TMPRSS15: variants seen among roughly 807,000 people sequenced by gnomAD.
TMPRSS15 encodes the protein enteropeptidase.
TMPRSS15 carries 128 observed loss-of-function variants against 125.3 expected under a neutral mutation model. That is an observed-to-expected ratio of 1.02 (90% confidence interval 0.89 to 1.18). TMPRSS15 has a LOEUF of 1.18. TMPRSS15 is among the 50% of genes most tolerant of loss of function. The probability of loss-of-function intolerance (pLI) is 0.00; values close to 1 mark genes in which losing one functional copy is unlikely to be tolerated. For synonymous variants in TMPRSS15, 446 were observed against 423.2 expected, an observed-to-expected ratio of 1.05 and a Z score of -0.66; for missense variants, 1,283 against 1,212.7, an observed-to-expected ratio of 1.06 and a Z score of -0.86.
intron 7 of TMPRSS15, among the ~76,000 whole-genome samples, chr21:18,363,934 A>G (rs1466673370): frequency 2.0e-5 from 3 of 152,094 alleles, no homozygotes; most frequent in African/African-American, 4.8e-5. Flanking sequence ...GTTGTATTAC[A>G]TATCTCTCAA....
intron 1 of TMPRSS15, among the ~76,000 whole-genome samples, chr21:18,417,567 G>A (rs2268438): frequency 0.59 from 89,440 of 152,024 alleles, 27,854 homozygotes; most frequent in Middle Eastern, 0.73. Context: ...TAGTATCTAT[G>A]CTGAACAAGA....
At chr21:18,404,551 G>A (rs1169406475), upstream of TMPRSS15, among the ~76,000 whole-genome samples, 1 of 152,108 alleles carries the variant, frequency 6.6e-6, no homozygotes, top group African/African-American at 2.4e-5. Flanking sequence ...TTAAATTACG[G>A]TTTAGCATTG....
chr21:18,400,488 T>C (rs2076084997), intron 1 of TMPRSS15, among the ~76,000 whole-genome samples: 1 of 152,142 alleles, frequency 6.6e-6, no homozygotes, highest in Non-Finnish European at 1.5e-5. Flanking sequence ...GGAAAGGACT[T>C]GCTAGTTAAT....
At chr21:18,367,140 T>C (rs2075745815) in intron 6 of TMPRSS15, among the ~76,000 whole-genome samples, 1 of 151,998 alleles carries the variant, frequency 6.6e-6, no homozygotes, top group African/African-American at 2.4e-5. Flanking sequence ...TATGATTTGG[T>C]AACCTGATTT....
At chr21:18,299,844 T>G (rs2074946460) in intron 18 of TMPRSS15, among the ~76,000 whole-genome samples, 4 of 152,202 alleles carry the variant, frequency 2.6e-5, no homozygotes. Flanking sequence ...GTCTTAGGCC[T>G]GCTCTAGGGT....
At chr21:18,381,409 G>T (rs1178410340) in intron 4 of TMPRSS15, among the ~76,000 whole-genome samples, 2 of 152,088 alleles carry the variant, frequency 1.3e-5, no homozygotes, top group East Asian at 3.8e-4. Flanking sequence ...ACAACTTCAA[G>T]ATATCTATGT....
At chr21:18,419,524 C>G (rs565267184) in intron 1 of TMPRSS15, among the ~76,000 whole-genome samples, 2 of 152,038 alleles carry the variant, frequency 1.3e-5, no homozygotes, top group Non-Finnish European at 2.9e-5. Flanking sequence ...TGTACCCGGC[C>G]GACATTTCCT....
At chr21:18,437,841 G>A (rs2076231323) in intron 1 of TMPRSS15, among the ~76,000 whole-genome samples, 1 of 152,054 alleles carries the variant, frequency 6.6e-6, no homozygotes, top group Admixed American at 6.5e-5. Flanking sequence ...TGCTGGAGAG[G>A]ATGTGGAGAA....
At chr21:18,396,947 G>A (rs2076047132) in intron 3 of TMPRSS15, among the ~76,000 whole-genome samples, 1 of 151,760 alleles carries the variant, frequency 6.6e-6, no homozygotes, top group African/African-American at 2.4e-5. Context: ...TAACCTTCTG[G>A]AATATTGTCT....
intron 13 of TMPRSS15, among the ~76,000 whole-genome samples, chr21:18,334,611 T>A (rs2146973141): frequency 6.6e-6 from 1 of 152,310 alleles, no homozygotes; most frequent in East Asian, 1.9e-4. Flanking sequence ...TTCAAGGCAA[T>A]CTTGTGGATT....
chr21:18,470,320 C>CA (rs61488573), intron 1 of TMPRSS15, among the ~76,000 whole-genome samples: 215 of 147,778 alleles, frequency 1.5e-3, no homozygotes, highest in East Asian at 8.9e-3. Context: ...ATACAGAAAA[C>CA]AAAAAAAAAA....
chr21:18,280,917 A>G (rs1174688457), intron 22 of TMPRSS15, 123 bp downstream of exon 22: 9 of 1,077,042 alleles, frequency 8.4e-6, no homozygotes, highest in Admixed American at 5.7e-5. Context: ...TTAAGTTCCA[A>G]TGATTTATGT....
chr21:18,434,330 G>A lies in TMPRSS15; in HGVS notation c.11-36001C>T, dbSNP rs548219947. On this transcript the variant is annotated intron_variant, in intron 1 of 7. Transcript: ENST00000422787. Reference sequence around the variant, plus strand: ...TATGTACACACATAAGTATAAACATGCATAAATATTTTTATATTATTGTTA... The same window carrying A: ...TATGTACACACATAAGTATAAACATACATAAATATTTTTATATTATTGTTA... Among the ~76,000 whole-genome samples, 10 of 151,988 alleles carry A rather than the reference G, an allele frequency of 6.6e-5. No homozygotes were observed. In the East Asian group the frequency reaches 1.9e-3, roughly 29 times the overall value.
chr21:18,300,509 T>A (rs1213318671), intron 18 of TMPRSS15, among the ~76,000 whole-genome samples: 2 of 151,024 alleles, frequency 1.3e-5, no homozygotes, highest in African/African-American at 4.9e-5. Context: ...ACCTGGCTAA[T>A]TTTTTTTGTA....
chr21:18,367,098 A>C (rs1164941560), intron 6 of TMPRSS15, among the ~76,000 whole-genome samples: 1 of 152,138 alleles, frequency 6.6e-6, no homozygotes, highest in Non-Finnish European at 1.5e-5. Flanking sequence ...AGTCTGCTTA[A>C]AAACAATGGC....
At chr21:18,275,837 TA>T (rs1289068494) in intron 23 of TMPRSS15, among the ~76,000 whole-genome samples, 1 of 152,156 alleles carries the variant, frequency 6.6e-6, no homozygotes, top group Non-Finnish European at 1.5e-5. Flanking sequence ...TGCCCTGGTC[TA>T]GGGGCAATCA....
At chr21:18,394,561 CTCT>C (rs2076017580) in intron 3 of TMPRSS15, among the ~76,000 whole-genome samples, 1 of 151,984 alleles carries the variant, frequency 6.6e-6, no homozygotes, top group Non-Finnish European at 1.5e-5. Context: ...CTGTCTCTCT[CTCT>C]TTCTCTCACA....
chr21:18,404,558 A>G (rs1217436998), upstream of TMPRSS15, among the ~76,000 whole-genome samples: 3 of 152,154 alleles, frequency 2.0e-5, no homozygotes, highest in African/African-American at 7.2e-5. Context: ...ACGGTTTAGC[A>G]TTGGGATTAT....
upstream of TMPRSS15, among the ~76,000 whole-genome samples, chr21:18,407,438 T>C (rs1460993452): frequency 7.3e-6 from 1 of 136,724 alleles, no homozygotes; most frequent in African/African-American, 2.7e-5. Context: ...TCTTTTTCTT[T>C]TTTTCTTTTC....
Sources: allele counts gnomAD v4.1 joint callset (sites outside exome capture counted in the v4.1 genomes callset), GRCh38; gene constraint gnomAD v4.1.1; transcripts MANE v1.5; gene names NCBI Gene and HGNC (gene_info 2026-07-23, HGNC 2026-07-21).